Variants in AGBL4 observed in about 807,000 individuals in gnomAD.
AGBL4 encodes the protein cytosolic carboxypeptidase 6.
Under a neutral mutation model 66.4 loss-of-function variants are expected in AGBL4, and 58 were observed. That is an observed-to-expected ratio of 0.87 (90% confidence interval 0.71 to 1.09). The LOEUF (loss-of-function observed/expected upper bound fraction) is 1.09, where lower values mean the gene tolerates loss of function less well. Among genes scored for constraint, AGBL4 ranks in the 50% least tolerant of loss-of-function variants. The pLI, the probability that AGBL4 is intolerant of heterozygous loss-of-function variation, is 0.00. For synonymous variants in AGBL4, 234 were observed against 222.9 expected, an observed-to-expected ratio of 1.05 and a Z score of -0.44; for missense variants, 579 against 631.0, an observed-to-expected ratio of 0.92 and a Z score of 0.88.
At chr1:49,406,795 G>T (rs1010432492) in intron 3 of AGBL4, among the ~76,000 whole-genome samples, 1 of 152,000 alleles carries the variant, frequency 6.6e-6, no homozygotes, top group Non-Finnish European at 1.5e-5. Context: ...GCCAGGAGCG[G>T]TGGCTCATGC....
chr1:48,940,337 C>G (rs565545807), intron 5 of AGBL4, among the ~76,000 whole-genome samples: 1 of 152,056 alleles, frequency 6.6e-6, no homozygotes, highest in African/African-American at 2.4e-5. Flanking sequence ...GAGATCATGC[C>G]ACTGCACTCC....
At chr1:49,110,369 C>G (rs1199435501) in intron 4 of AGBL4, among the ~76,000 whole-genome samples, 1 of 152,150 alleles carries the variant, frequency 6.6e-6, no homozygotes, top group Non-Finnish European at 1.5e-5. Flanking sequence ...ATCACTGAAA[C>G]AATTATACAG....
At chr1:49,838,435 C>T (rs368906126) in intron 2 of AGBL4, among the ~76,000 whole-genome samples, 6 of 152,110 alleles carry the variant, frequency 3.9e-5, no homozygotes, top group Admixed American at 3.9e-4. Flanking sequence ...CTGGGAAATG[C>T]GATTTTCAGA....
intron 4 of AGBL4, among the ~76,000 whole-genome samples, chr1:49,074,854 G>T (rs1644680093): frequency 6.6e-6 from 1 of 152,102 alleles, no homozygotes; most frequent in South Asian, 2.1e-4. Context: ...GCAAATTGTG[G>T]GAATGGGACA....
intron 4 of AGBL4, among the ~76,000 whole-genome samples, chr1:49,075,961 T>C (rs1439579040): frequency 6.6e-6 from 1 of 152,186 alleles, no homozygotes; most frequent in Non-Finnish European, 1.5e-5. Context: ...AAAGAACATC[T>C]AGATAGGGTG....
intron 7 of AGBL4, among the ~76,000 whole-genome samples, chr1:48,657,128 C>T (rs1172582232): frequency 6.6e-6 from 1 of 152,172 alleles, no homozygotes; most frequent in Non-Finnish European, 1.5e-5. Context: ...GGGTTTGATG[C>T]CTCTCTCTGC....
intron 6 of AGBL4, among the ~76,000 whole-genome samples, chr1:48,775,586 G>C (rs1282552655): frequency 6.6e-6 from 1 of 152,178 alleles, no homozygotes; most frequent in Non-Finnish European, 1.5e-5. Flanking sequence ...CCCCAAAACG[G>C]AGATGATACT....
intron 3 of AGBL4, among the ~76,000 whole-genome samples, chr1:49,590,071 A>T (rs892038522): frequency 6.6e-6 from 1 of 152,102 alleles, no homozygotes; most frequent in Non-Finnish European, 1.5e-5. Context: ...TTTTAAATTG[A>T]TATAGAAATG....
At chr1:49,881,327 T>C (rs960785470) in intron 1 of AGBL4, among the ~76,000 whole-genome samples, 10 of 152,192 alleles carry the variant, frequency 6.6e-5, no homozygotes, top group Non-Finnish European at 1.2e-4. Context: ...TTTGCTATTG[T>C]GAATAGTGCC....
chr1:48,777,959 AG>A (rs34155104), intron 6 of AGBL4, among the ~76,000 whole-genome samples: 1 of 152,094 alleles, frequency 6.6e-6, no homozygotes, highest in Non-Finnish European at 1.5e-5. Flanking sequence ...GACCAGCCAA[AG>A]GGGGCTGATT....
At chr1:49,359,259 T>C (rs569259500) in intron 3 of AGBL4, among the ~76,000 whole-genome samples, 14 of 152,162 alleles carry the variant, frequency 9.2e-5, no homozygotes, top group Non-Finnish European at 1.8e-4. Context: ...GAAAACTGCA[T>C]TGGAATAAAA....
chr1:49,838,893 T>C (rs1645919403), intron 2 of AGBL4, among the ~76,000 whole-genome samples: 2 of 152,320 alleles, frequency 1.3e-5, no homozygotes, highest in South Asian at 4.1e-4. Flanking sequence ...TCTCCTTTTG[T>C]GATTATTTTA....
chr1:48,531,822 C>A (rs969542717), downstream of AGBL4, among the ~76,000 whole-genome samples: 2 of 152,148 alleles, frequency 1.3e-5, no homozygotes, highest in African/African-American at 4.8e-5. Context: ...GTCACCCAGG[C>A]TGGAGTGCGG....
intron 3 of AGBL4, among the ~76,000 whole-genome samples, chr1:49,695,626 CA>C (rs961862037): frequency 1.3e-5 from 2 of 151,848 alleles, no homozygotes; most frequent in Admixed American, 1.3e-4. Flanking sequence ...TAAATAAAAC[CA>C]AAAAGCAAAG....
intron 4 of AGBL4, among the ~76,000 whole-genome samples, chr1:49,209,488 T>G (rs1476410010): frequency 6.6e-6 from 1 of 152,126 alleles, no homozygotes; most frequent in Non-Finnish European, 1.5e-5. Flanking sequence ...CTATTTATGT[T>G]GCAAAGATAT....
chr1:50,023,944 G>T lies in AGBL4; in HGVS notation c.-148C>A, dbSNP rs543269839. The T allele has an allele frequency of 2.4e-6, 2 of 845,136 alleles. No individual in the cohort carries two copies. The highest frequency in any genetic ancestry group is 3.7e-5 in the Admixed American group (1 of 26,988). The allele number at this position is 845,136 out of a possible 1,614,324, so 52.4% of individuals were successfully genotyped here. ...ACGGGCGGCAGGCGCGCGGGTGGCC[G>T]GCGCGCGGCTGAGGGCGGGAGGGAC... is the stretch of plus-strand genomic sequence containing the variant. On this transcript the variant is annotated 5_prime_UTR_variant, in exon 1 of 14. Transcript: ENST00000371839.
chr1:49,113,956 A>G (rs532242417), intron 4 of AGBL4, among the ~76,000 whole-genome samples: 16 of 152,178 alleles, frequency 1.1e-4, no homozygotes, highest in Non-Finnish European at 1.3e-4. Context: ...CAAACAGAGG[A>G]TATTTTTTAT....
chr1:49,065,719 C>T (rs955518698), intron 4 of AGBL4, among the ~76,000 whole-genome samples: 6 of 152,164 alleles, frequency 3.9e-5, no homozygotes, highest in African/African-American at 9.7e-5. Context: ...AGAAAATTAT[C>T]GAAGCTCCAC....
intron 6 of AGBL4, among the ~76,000 whole-genome samples, chr1:48,782,196 T>TC (rs1645312134): frequency 6.6e-6 from 1 of 152,206 alleles, no homozygotes; most frequent in Non-Finnish European, 1.5e-5. Context: ...GTCTCACCCC[T>TC]CCCCCGACTC....
Sources: gnomAD v4.1 joint callset for allele counts (sites outside exome capture counted in the v4.1 genomes callset) on GRCh38, gnomAD v4.1.1 for gene constraint, MANE v1.5 for transcripts, NCBI Gene and HGNC (gene_info 2026-07-23, HGNC 2026-07-21) for gene names.